The following MDN1 variants were observed in gnomAD, a reference collection of about 807,000 sequenced individuals.
The protein encoded by MDN1 is midasin.
MDN1 carries 266 observed loss-of-function variants against 669.2 expected under a neutral mutation model. The observed-to-expected ratio is 0.40, with a 90% confidence interval of 0.36 to 0.44. The LOEUF (loss-of-function observed/expected upper bound fraction) is 0.44, where lower values mean the gene tolerates loss of function less well. MDN1 is among the 20% of genes least tolerant of loss of function. MDN1 has a pLI of 1.00. For synonymous variants in MDN1, 2,385 were observed against 2,457.1 expected, an observed-to-expected ratio of 0.97 and a Z score of 0.87; for missense variants, 5,940 against 6,754.0, an observed-to-expected ratio of 0.88 and a Z score of 4.22.
chr6:89,712,878 C>T, intron 47 of MDN1, 92 bp from the exon 48 acceptor site: 1 of 1,144,884 alleles, frequency 8.7e-7, no homozygotes, highest in Non-Finnish European at 1.3e-6. Flanking sequence ...ATGCGACCAC[C>T]TCACAACAAC....
rs1376336746 is a variant in MDN1, at chr6:89,643,802, C to G, written c.*203G>C. On this transcript the variant is annotated 3_prime_UTR_variant, in exon 102 of 102. Coordinates refer to ENST00000369393, the MANE Select transcript of MDN1 (RefSeq NM_014611.3). ...CTTCTCTAGTTACGAGTTCAGGCAC[C>G]TGCTGCTGCTTCCAGGTTTGGTATA... 4.2e-6 allele frequency: 2 copies of G among 470,908 alleles called. No homozygotes were observed. The highest frequency in any genetic ancestry group is 7.4e-6 in the Non-Finnish European group (2 of 271,340). The allele number at this position is 470,908 out of a possible 1,614,324, so 29.2% of individuals were successfully genotyped here.
chr6:89,750,688 G>A (rs1816890878), intron 23 of MDN1, among the ~76,000 whole-genome samples, 156 bp from the exon 24 acceptor site: 1 of 152,000 alleles, frequency 6.6e-6, no homozygotes, highest in African/African-American at 2.4e-5. Flanking sequence ...CTGCAGCCTC[G>A]ACCTCCCAGG....
chr6:89,791,654 G>C (rs1819275453), intron 5 of MDN1, among the ~76,000 whole-genome samples: 2 of 152,018 alleles, frequency 1.3e-5, no homozygotes, highest in Admixed American at 6.6e-5. Flanking sequence ...AGTTTAATGA[G>C]AAAGAATTTC....
chr6:89,809,252 T>C (rs1461379625), intron 1 of MDN1, among the ~76,000 whole-genome samples: 1 of 151,280 alleles, frequency 6.6e-6, no homozygotes, highest in Non-Finnish European at 1.5e-5. Flanking sequence ...AGTATGTATA[T>C]TTGACTCTTT....
At chr6:89,677,503 G>T in intron 76 of MDN1, 67 bp downstream of exon 76, 1 of 1,593,944 alleles carries the variant, frequency 6.3e-7, no homozygotes, top group South Asian at 1.1e-5. Flanking sequence ...TGCAAATGAG[G>T]ACAAGGAGTT....
In MDN1 at chr6:89,740,382, A is replaced by G. The variant is rs12203928; in HGVS notation, c.4449-4T>C. On this transcript the variant is annotated splice_region_variant and splice_polypyrimidine_tract_variant and intron_variant, in intron 31 of 101. Transcript: ENST00000369393. ...AGACTTTTCTACTTCAAGGACACTA[A>G]AAGAAAAATTGAAGAACAGTGAAAA... is the stretch of plus-strand genomic sequence containing the variant. 6.4e-7 allele frequency: 1 copy of G among 1,570,684 alleles called. No homozygotes were observed. Among genetic ancestry groups the G allele is most frequent in the East Asian group, 2.4e-5 (1 of 42,264 alleles).
intron 2 of MDN1, among the ~76,000 whole-genome samples, chr6:89,801,128 G>A (rs1242115738): frequency 6.6e-6 from 1 of 152,196 alleles, no homozygotes; most frequent in Non-Finnish European, 1.5e-5. Context: ...GGGTGTGGTG[G>A]CTCATGTCTG....
intron 9 of MDN1, among the ~76,000 whole-genome samples, chr6:89,783,803 T>C (rs866032486): frequency 1.1e-4 from 16 of 151,996 alleles, no homozygotes; most frequent in Admixed American, 2.0e-4. Flanking sequence ...CCAACACTTA[T>C]GGAAAATAGA....
At chr6:89,644,894 A>G in intron 101 of MDN1, 121 bp downstream of exon 101, 1 of 1,088,782 alleles carries the variant, frequency 9.2e-7, no homozygotes, top group Non-Finnish European at 1.3e-6. Context: ...ACTTGACAGA[A>G]TACTATGAAT....
Position 89,793,919 on chromosome 6 carries a change from T to A in MDN1, c.698A>T (p.Lys233Met), listed in dbSNP as rs753286478. The A allele has an allele frequency of 3.7e-6, 6 of 1,613,782 alleles. No homozygotes were observed. The Admixed American group carries it at 1.0e-4, about 27-fold the overall frequency. ...LEEAQLQDLE[K>M]ALVLANPEVS... The stretch of plus-strand genomic sequence containing the variant: ...TTCTGGATTGGCCAAAACCAAGGCC[T>A]TCTCCAAGTCCTGCAACTGGGCCTC... The change falls in exon 5 of 102, where the codon AAG becomes ATG. Residue 233 changes from lysine to methionine, a missense_variant. This residue lies in a region of MDN1 where 1,203 missense variants were observed against 1,268.9 expected (regional missense o/e 0.95). Coordinates refer to ENST00000369393, the MANE Select transcript of MDN1 (RefSeq NM_014611.3).
In MDN1 at chr6:89,677,596, GAC is replaced by G; in HGVS notation, c.12511_12512del (p.Val4171GlnfsTer7). Reference sequence around the variant, plus strand: ...TAGAATCAGCCTCCTGAGTGCTGCTGACGATGGACAATGCGCTCTGGAGATCT... The same window carrying G: ...TAGAATCAGCCTCCTGAGTGCTGCTGGATGGACAATGCGCTCTGGAGATCT... ...PLDLQSALSI[V>X]SSTQEADSRL... On this transcript the variant is annotated frameshift_variant, in exon 76 of 102. Coordinates refer to ENST00000369393, the MANE Select transcript of MDN1 (RefSeq NM_014611.3). LOFTEE classifies it high-confidence loss of function. 1.9e-6 allele frequency: 3 copies of G among 1,614,196 alleles called. No homozygotes were observed.
chr6:89,699,151 C>T (rs1812970346), intron 58 of MDN1, 116 bp from the exon 59 acceptor site: 2 of 969,830 alleles, frequency 2.1e-6, no homozygotes, highest in Non-Finnish European at 2.9e-6. Context: ...GGTATTAATC[C>T]AAATTTTTCC....
intron 42 of MDN1, 48 bp from the exon 43 acceptor site, chr6:89,718,675 G>A: frequency 1.2e-6 from 2 of 1,608,136 alleles, no homozygotes; most frequent in Non-Finnish European, 1.7e-6. Flanking sequence ...AGAGAATACT[G>A]TTATCTGTAC....
chr6:89,738,674 G>A (rs1041165560), intron 32 of MDN1, among the ~76,000 whole-genome samples: 1 of 151,986 alleles, frequency 6.6e-6, no homozygotes, highest in Non-Finnish European at 1.5e-5. Flanking sequence ...CTTAATAGAC[G>A]TGGTCCAGAG....
intron 36 of MDN1, 127 bp downstream of exon 36, chr6:89,728,800 CAAAG>C: frequency 1.0e-6 from 1 of 992,578 alleles, no homozygotes. Context: ...CTCAAAAAAA[CAAAG>C]AAAAGAAAAG....
intron 37 of MDN1, among the ~76,000 whole-genome samples, chr6:89,726,226 C>T (rs200171302): frequency 6.6e-6 from 1 of 151,824 alleles, no homozygotes; most frequent in Non-Finnish European, 1.5e-5. Context: ...TTTGGAAGGC[C>T]GAGGCAGGTG....
In MDN1 at chr6:89,654,730, T is replaced by C. The variant is rs182178078; in HGVS notation, c.15491-396A>G. On this transcript the variant is annotated intron_variant, in intron 92 of 101. Transcript: ENST00000369393. ...TTTTCAAATGACTAGAAGAGCAGAT[T>C]TGAATGTTCCCAACACAAAGAAATG... Among the ~76,000 whole-genome samples the C allele has an allele frequency of 4.6e-3, 706 of 152,336 alleles. 7 individuals are homozygous for C. Among genetic ancestry groups the C allele is most frequent in the Non-Finnish European group, 4.1e-3 (280 of 68,034 alleles).
Position 89,772,706 on chromosome 6 carries a change from G to C in MDN1, c.1950C>G (p.Phe650Leu). ...AVHLQREKFT[F>L]AATRPSSVLI... is the part of the protein sequence containing the mutation. ...GAACAGAGGACGGCCGTGTAGCAGC[G>C]AAAGTGAACTTCTCCCTGGGAAGGA... is the stretch of plus-strand genomic sequence containing the variant. The change falls in exon 14 of 102, where the codon TTC (phenylalanine) becomes TTG (leucine). Residue 650 changes from phenylalanine (F) to leucine (L), a missense_variant. Around this residue, in one of 5 missense-constraint regions of MDN1, gnomAD observed 1,203 missense variants for 1,268.9 expected, o/e 0.95. Coordinates refer to ENST00000369393, the MANE Select transcript of MDN1 (RefSeq NM_014611.3). 1.9e-6 allele frequency: 3 copies of C among 1,613,512 alleles called. No individual in the cohort carries two copies. Among genetic ancestry groups the C allele is most frequent in the Non-Finnish European group, 2.5e-6 (3 of 1,179,820 alleles).
At chr6:89,767,955 T>G (rs1817883060) in intron 15 of MDN1, among the ~76,000 whole-genome samples, 1 of 151,958 alleles carries the variant, frequency 6.6e-6, no homozygotes, top group South Asian at 2.1e-4. Context: ...GGTGGGAGGA[T>G]AGCTTGAGCC....
Sources: allele counts gnomAD v4.1 joint callset (sites outside exome capture counted in the v4.1 genomes callset), GRCh38; gene constraint gnomAD v4.1.1; regional missense constraint gnomAD v4.1.1; transcripts MANE v1.5; gene names NCBI Gene and HGNC (gene_info 2026-07-23, HGNC 2026-07-21).